Variants in WASF3 observed in about 807,000 individuals in gnomAD.
WASF3 encodes actin-binding protein WASF3.
Under a neutral mutation model 46.6 loss-of-function variants are expected in WASF3, and 11 were observed. That is an observed-to-expected ratio of 0.24 (90% CI 0.15 to 0.39). WASF3 has a LOEUF of 0.39. Among genes scored for constraint, WASF3 ranks in the 10% least tolerant of loss-of-function variants. The probability of loss-of-function intolerance (pLI) is 1.00; values close to 1 mark genes in which losing one functional copy is unlikely to be tolerated. For missense variants in WASF3, 576 were observed against 669.8 expected, an observed-to-expected ratio of 0.86 and a Z score of 1.55; for synonymous variants, 242 against 259.7, an observed-to-expected ratio of 0.93 and a Z score of 0.65.
chr13:26,634,020 G>A (rs1881738691), intron 2 of WASF3, among the ~76,000 whole-genome samples: 1 of 152,196 alleles, frequency 6.6e-6, no homozygotes. Context: ...TTGGTGCAGA[G>A]CTGAGTTGAA....
At chr13:26,601,626 A>G (rs2137203019) in intron 1 of WASF3, among the ~76,000 whole-genome samples, 1 of 152,392 alleles carries the variant, frequency 6.6e-6, no homozygotes, top group Non-Finnish European at 1.5e-5. Context: ...CTTTAGTTAA[A>G]TAAACATGAG....
intron 2 of WASF3, among the ~76,000 whole-genome samples, chr13:26,639,238 C>T (rs1202184247): frequency 6.6e-6 from 1 of 152,130 alleles, no homozygotes; most frequent in Admixed American, 6.5e-5. Flanking sequence ...GGTAGCATGG[C>T]CTCTCTCTCT....
chr13:26,629,403 G>T (rs148391243), intron 2 of WASF3, among the ~76,000 whole-genome samples: 2 of 152,292 alleles, frequency 1.3e-5, no homozygotes, highest in East Asian at 3.9e-4. Context: ...ACATCTGCAC[G>T]CATTTCAGAT....
chr13:26,635,869 C>T (rs1470166187), intron 2 of WASF3, among the ~76,000 whole-genome samples: 2 of 152,196 alleles, frequency 1.3e-5, no homozygotes, highest in African/African-American at 4.8e-5. Context: ...CTGCCTGATG[C>T]GTCCTCTGAA....
chr13:26,653,034 T>G (rs564416320), intron 3 of WASF3, among the ~76,000 whole-genome samples: 7 of 152,298 alleles, frequency 4.6e-5, no homozygotes, highest in Admixed American at 1.3e-4. Flanking sequence ...TGACTGTGCT[T>G]CTTATTTCAC....
At chr13:26,590,664 G>A (rs1880263853) in intron 1 of WASF3, among the ~76,000 whole-genome samples, 2 of 152,172 alleles carry the variant, frequency 1.3e-5, no homozygotes, top group African/African-American at 4.8e-5. Flanking sequence ...ATATTTCTCT[G>A]CGTTCTTCTA....
intron 1 of WASF3, among the ~76,000 whole-genome samples, chr13:26,558,327 G>T (rs1284616426): frequency 6.6e-6 from 1 of 152,180 alleles, no homozygotes; most frequent in African/African-American, 2.4e-5. Context: ...CCTGGCCTGT[G>T]CCCTCTTGGT....
At chr13:26,646,734 C>G (rs1254377919) in intron 3 of WASF3, among the ~76,000 whole-genome samples, 1 of 146,732 alleles carries the variant, frequency 6.8e-6, no homozygotes, top group Non-Finnish European at 1.5e-5. Context: ...CCTGCTTGAG[C>G]AGCAGGAACT....
chr13:26,559,777 T>TTTTTG (rs1555246378), intron 1 of WASF3, among the ~76,000 whole-genome samples: 1 of 138,236 alleles, frequency 7.2e-6, no homozygotes, highest in Non-Finnish European at 1.6e-5. Context: ...CTTGAATCTC[T>TTTTTG]TTTTCTTTTC....
chr13:26,625,706 A>G (rs947360205), intron 2 of WASF3, among the ~76,000 whole-genome samples: 2 of 152,182 alleles, frequency 1.3e-5, no homozygotes, highest in Non-Finnish European at 2.9e-5. Context: ...AGACTCACCC[A>G]GAGATAATGT....
chr13:26,609,653 C>T (rs1001646080), intron 1 of WASF3: 2 of 151,936 alleles, frequency 1.3e-5, no homozygotes, highest in African/African-American at 4.8e-5. Flanking sequence ...GGCTTAGAGA[C>T]AGCAGGATTA....
chr13:26,600,501 C>T (rs1304815259), intron 1 of WASF3, among the ~76,000 whole-genome samples: 1 of 152,184 alleles, frequency 6.6e-6, no homozygotes. Context: ...TACATTGCTT[C>T]TCATTTTTTC....
intron 2 of WASF3, among the ~76,000 whole-genome samples, chr13:26,637,736 AC>A (rs1407368096): frequency 6.6e-6 from 1 of 152,208 alleles, no homozygotes; most frequent in Non-Finnish European, 1.5e-5. Context: ...TTTCCAGGTC[AC>A]CGTCACTGTA....
intron 3 of WASF3, among the ~76,000 whole-genome samples, chr13:26,656,747 A>G (rs776800829): frequency 3.9e-5 from 6 of 152,082 alleles, no homozygotes; most frequent in Admixed American, 6.6e-5. Context: ...CCGATCTGTA[A>G]CTCACTTTCA....
At chr13:26,625,145 T>A (rs1011415629) in intron 2 of WASF3, among the ~76,000 whole-genome samples, 4 of 152,160 alleles carry the variant, frequency 2.6e-5, no homozygotes, top group African/African-American at 4.8e-5. Flanking sequence ...AAAACAATAG[T>A]AATGTGGGGT....
chr13:26,680,247 T>C, intron 7 of WASF3: 1 of 1,519,208 alleles, frequency 6.6e-7, no homozygotes, highest in Non-Finnish European at 8.7e-7. Context: ...AGACTGCCCC[T>C]GCTTCTGCCG....
intron 3 of WASF3, among the ~76,000 whole-genome samples, chr13:26,646,378 C>G (rs1882151130): frequency 6.6e-6 from 1 of 152,108 alleles, no homozygotes; most frequent in Non-Finnish European, 1.5e-5. Context: ...TATTAAAAGT[C>G]TTCTTTTACA....
At chr13:26,584,938 A>T (rs931710598) in intron 1 of WASF3, among the ~76,000 whole-genome samples, 9 of 152,214 alleles carry the variant, frequency 5.9e-5, no homozygotes, top group Non-Finnish European at 1.2e-4. Flanking sequence ...ACTCATGCTA[A>T]CTAAATAGTT....
chr13:26,560,115 G>T (rs955248010), intron 1 of WASF3, among the ~76,000 whole-genome samples: 2 of 151,908 alleles, frequency 1.3e-5, no homozygotes, highest in South Asian at 2.1e-4. Flanking sequence ...CACCGCTCCC[G>T]GCCGAATCTC....
Sources: allele counts gnomAD v4.1 joint callset (sites outside exome capture counted in the v4.1 genomes callset), GRCh38; gene constraint gnomAD v4.1.1; transcripts MANE v1.5; gene names NCBI Gene and HGNC (gene_info 2026-07-23, HGNC 2026-07-21).